ELP3: variants seen among roughly 807,000 people sequenced by gnomAD.
ELP3 encodes the protein elongator acetyltransferase complex subunit 3.
In ELP3, 56 loss-of-function variants were observed where a neutral mutation model predicts 74.9. The ratio of observed to expected loss-of-function variants is 0.75; its 90% CI spans 0.60 to 0.93. ELP3 has a LOEUF of 0.93. Among genes scored for constraint, ELP3 ranks in the 40% least tolerant of loss-of-function variants. ELP3 has a pLI of 0.00. For missense variants in ELP3, 573 were observed against 686.5 expected (o/e 0.83, Z 1.85); for synonymous variants, 222 against 239.8 (o/e 0.93, Z 0.68).
Position 28,110,443 on chromosome 8 carries a change from A to C in ELP3, c.462+5A>C, listed in dbSNP as rs1585649410. 1 of 1,605,196 alleles carries C rather than the reference A, an allele frequency of 6.2e-7. No homozygotes were observed. Among genetic ancestry groups the C allele is most frequent in the Non-Finnish European group, 8.5e-7 (1 of 1,176,596 alleles). On this transcript the variant is annotated splice_donor_5th_base_variant and intron_variant, in intron 6 of 14. Coordinates refer to ENST00000256398, the MANE Select transcript of ELP3 (RefSeq NM_018091.6). ...ACAAGACACCGAATAGAACAGGTAC[A>C]TTTTTAAAAAACATGTTTCTTAAAA...
intron 5 of ELP3, 25 bp downstream of exon 5, chr8:28,108,001 G>T (rs1328085355): frequency 2.5e-6 from 4 of 1,593,030 alleles, no homozygotes; most frequent in Non-Finnish European, 3.4e-6. Flanking sequence ...AGGCTGTCCT[G>T]ATGAAATGTT....
At chr8:28,166,808 T>A (rs1814323908) in intron 14 of ELP3, among the ~76,000 whole-genome samples, 1 of 152,202 alleles carries the variant, frequency 6.6e-6, no homozygotes, top group Admixed American at 6.5e-5. Context: ...CCCAACAGAA[T>A]GAGTTTTTTT....
intron 14 of ELP3, among the ~76,000 whole-genome samples, chr8:28,163,187 C>A (rs191763769): frequency 6.6e-6 from 1 of 152,140 alleles, no homozygotes; most frequent in African/African-American, 2.4e-5. Flanking sequence ...ATCTGCTGTT[C>A]CATAGTGTAT....
At chr8:28,158,664 G>A in intron 12 of ELP3, 31 bp downstream of exon 12, 1 of 1,580,724 alleles carries the variant, frequency 6.3e-7, no homozygotes, top group Non-Finnish European at 8.7e-7. Flanking sequence ...GAGGGCCTAG[G>A]TACTGTCCTT....
intron 13 of ELP3, among the ~76,000 whole-genome samples, chr8:28,161,466 C>T (rs759385445): frequency 2.0e-5 from 3 of 152,008 alleles, no homozygotes; most frequent in Non-Finnish European, 4.4e-5. Flanking sequence ...CACAGCTACT[C>T]AGGAGGCTGA....
intron 10 of ELP3, among the ~76,000 whole-genome samples, chr8:28,141,284 TG>T (rs546991287): frequency 2.4e-3 from 363 of 152,342 alleles, no homozygotes; most frequent in African/African-American, 8.4e-3. Flanking sequence ...ATCACTTCTC[TG>T]TTACTCAGCC....
chr8:28,100,239 G>A (rs1271174105), intron 3 of ELP3, among the ~76,000 whole-genome samples: 1 of 152,232 alleles, frequency 6.6e-6, no homozygotes, highest in East Asian at 1.9e-4. Flanking sequence ...CAGGATAAAT[G>A]TTGGCCATCT....
chr8:28,112,037 T>C (rs73573294), intron 6 of ELP3, among the ~76,000 whole-genome samples: 2,395 of 152,318 alleles, frequency 0.016, 65 homozygotes, highest in African/African-American at 0.053. Context: ...AAATTAGTGT[T>C]AATTTCAATA....
Position 28,147,056 on chromosome 8 carries a change from T to C in ELP3, c.1101-8886T>C, listed in dbSNP as rs1813462550. Among the ~76,000 whole-genome samples, 1 of 152,196 alleles carries C rather than the reference T, an allele frequency of 6.6e-6. No individual in the cohort carries two copies. Among genetic ancestry groups the C allele is most frequent in the Admixed American group, 6.5e-5 (1 of 15,284 alleles). On this transcript the variant is annotated intron_variant, in intron 10 of 14. Transcript: ENST00000256398. The surrounding 1 kb of genome is among the most constrained non-coding windows in gnomAD (Gnocchi z 4.5). ...GCTGTCACCGTCTTGAAATTATTAA[T>C]AATTTTTTTCACAAGGACTCATGTT...
chr8:28,091,009 C>G (rs1325767988), upstream of ELP3, among the ~76,000 whole-genome samples: 2 of 151,176 alleles, frequency 1.3e-5, no homozygotes, highest in South Asian at 4.2e-4. Flanking sequence ...CGGGTTCACG[C>G]CATTCTCCTG....
intron 14 of ELP3, among the ~76,000 whole-genome samples, chr8:28,164,416 C>T (rs971465518): frequency 6.6e-6 from 1 of 152,140 alleles, no homozygotes; most frequent in Admixed American, 6.6e-5. Flanking sequence ...AGGGAAGAAC[C>T]TTTCTCTTGT....
intron 14 of ELP3, among the ~76,000 whole-genome samples, chr8:28,182,763 T>C (rs553555320): frequency 6.6e-6 from 1 of 152,320 alleles, no homozygotes; most frequent in South Asian, 2.1e-4. Context: ...CTTTCCCGAA[T>C]CCTTTGAGTT....
At chr8:28,090,478 G>GGGGTGTGT (rs1554492414), upstream of ELP3, 5 of 227,230 alleles carry the variant, frequency 2.2e-5, no homozygotes, top group South Asian at 5.3e-5. Flanking sequence ...TAGTCTGATG[G>GGGGTGTGT]GTGGGTGTGT....
chr8:28,137,322 T>C (rs1220932446), intron 9 of ELP3, among the ~76,000 whole-genome samples: 2 of 152,112 alleles, frequency 1.3e-5, no homozygotes, highest in Non-Finnish European at 2.9e-5. Flanking sequence ...CAGAGGGGCC[T>C]CTCTGAAGAA....
chr8:28,160,113 G>C, intron 12 of ELP3, 116 bp from the exon 13 acceptor site: 1 of 892,298 alleles, frequency 1.1e-6, no homozygotes, highest in East Asian at 2.7e-5. Context: ...CATAATTAGT[G>C]ATTATTCATT....
chr8:28,172,960 C>T (rs1023644948), intron 14 of ELP3, among the ~76,000 whole-genome samples: 6 of 151,950 alleles, frequency 3.9e-5, no homozygotes, highest in Non-Finnish European at 8.8e-5. Context: ...GTTGAACTAT[C>T]CTTGCATTCC....
At chr8:28,173,707 T>A (rs1461051709) in intron 14 of ELP3, among the ~76,000 whole-genome samples, 1 of 151,924 alleles carries the variant, frequency 6.6e-6, no homozygotes, top group African/African-American at 2.4e-5. Flanking sequence ...CCAAATGTGA[T>A]CATATGTATC....
Position 28,156,024 on chromosome 8 carries a change from G to T in ELP3, c.1183G>T (p.Gly395Ter). 6.2e-7 allele frequency: 1 copy of T among 1,613,228 alleles called. No individual in the cohort carries two copies. Among genetic ancestry groups the T allele is most frequent in the South Asian group, 1.1e-5 (1 of 91,036 alleles). ...GGCACTTGCAAGAATGAAAGACCTC[G>T]GAATACAGGTAAGAGCAAATATGGC... The part of the protein sequence containing the change: ...ELALARMKDL[G>*]IQCRDVRTRE... The change falls in exon 11 of 15, where the codon GGA becomes TGA. Residue 395 changes from glycine (G) to a stop codon, truncating the protein, a stop_gained. Coordinates refer to ENST00000256398, the MANE Select transcript of ELP3 (RefSeq NM_018091.6). LOFTEE classifies it high-confidence loss of function.
At chr8:28,099,380 C>A (rs776923972) in intron 2 of ELP3, among the ~76,000 whole-genome samples, 1 of 151,944 alleles carries the variant, frequency 6.6e-6, no homozygotes, top group African/African-American at 2.4e-5. Context: ...TTGAGTGTTA[C>A]AACAGGAAGA....
Sources: allele counts gnomAD v4.1 joint callset (sites outside exome capture counted in the v4.1 genomes callset), GRCh38; gene constraint gnomAD v4.1.1; non-coding constraint Gnocchi (gnomAD v3.1); transcripts MANE v1.5; gene names NCBI Gene and HGNC (gene_info 2026-07-23, HGNC 2026-07-21).